The following NUDT9 variants were observed in gnomAD, a reference collection of about 807,000 sequenced individuals.
NUDT9 encodes nudix hydrolase 9, also known as ADP-ribose pyrophosphatase.
NUDT9 carries 31 observed loss-of-function variants against 41.0 expected under a neutral mutation model. The ratio of observed to expected loss-of-function variants is 0.76; its 90% confidence interval spans 0.57 to 1.02. The LOEUF is 1.02. NUDT9 is among the 50% of genes least tolerant of loss of function. The pLI, the probability that NUDT9 is intolerant of heterozygous loss-of-function variation, is 0.00. For missense variants in NUDT9, 380 were observed against 431.4 expected (o/e 0.88, Z 1.06); for synonymous variants, 146 against 147.6 (o/e 0.99, Z 0.08).
intron 1 of NUDT9, among the ~76,000 whole-genome samples, chr4:87,430,621 G>A (rs1245513230): frequency 6.6e-6 from 1 of 151,996 alleles, no homozygotes; most frequent in Non-Finnish European, 1.5e-5. Flanking sequence ...TTTGATAGTG[G>A]TCATTCTAAT....
rs531281804 is a variant in NUDT9, at chr4:87,437,516, ATT to A, written c.348-755_348-754del. 8.6e-3 allele frequency among the ~76,000 whole-genome samples: 1,295 copies of A among 150,778 alleles called. 41 individuals carry two copies. The highest frequency in any genetic ancestry group is 0.028 in the African/African-American group (1,131 of 40,678). ...CCACCATGCCCAGCTAATTTTTTGTATTTTTTTAGTAGAGATGGGGTTCCACC... is the reference window on the plus strand; with the variant it reads ...CCACCATGCCCAGCTAATTTTTTGTATTTTTAGTAGAGATGGGGTTCCACC... On this transcript the variant is annotated intron_variant, in intron 2 of 7. Transcript: ENST00000302174.
chr4:87,427,722 G>A (rs1160098595), intron 1 of NUDT9, among the ~76,000 whole-genome samples: 1 of 152,128 alleles, frequency 6.6e-6, no homozygotes, highest in Non-Finnish European at 1.5e-5. Flanking sequence ...GAGTGGAACA[G>A]CATTAGTGTT....
At chr4:87,428,693 G>A (rs1398930855) in intron 1 of NUDT9, among the ~76,000 whole-genome samples, 2 of 151,926 alleles carry the variant, frequency 1.3e-5, no homozygotes, top group Non-Finnish European at 2.9e-5. Flanking sequence ...AAGATCAGGA[G>A]TTGGATGAAT....
At chr4:87,426,542 T>C (rs1341839226) in intron 1 of NUDT9, among the ~76,000 whole-genome samples, 2 of 151,956 alleles carry the variant, frequency 1.3e-5, no homozygotes, top group African/African-American at 4.8e-5. Flanking sequence ...AGTGAGTAGC[T>C]AGGATTACAG....
In NUDT9 at chr4:87,458,772, A is replaced by G. The variant is rs1161520374; in HGVS notation, c.*751A>G. 6.6e-6 allele frequency: 1 copy of G among 152,246 alleles called. No individual in the cohort carries two copies. Among genetic ancestry groups the G allele is most frequent in the Non-Finnish European group, 1.5e-5 (1 of 68,052 alleles). The allele number at this position is 152,246 out of a possible 1,614,324, so 9.4% of individuals were successfully genotyped here. A position where few individuals can be genotyped will look rare whatever the true frequency, so the allele number is the denominator to read the frequency against. ...AAATTAGTTAAAAATGGATGTTCAG[A>G]AAAGAATTGAAATCAGGACAAAAAA... On this transcript the variant is annotated 3_prime_UTR_variant, in exon 8 of 8. Transcript: ENST00000302174.
rs1723084655 is a variant in NUDT9 at position 87,458,488 on chromosome 4, T to C, written c.*467T>C. 6.6e-6 allele frequency: 1 copy of C among 152,408 alleles called. No homozygotes were observed. The highest frequency in any genetic ancestry group is 6.5e-5 in the Admixed American group (1 of 15,290). The allele number at this position is 152,408 out of a possible 1,614,324, so 9.4% of individuals were successfully genotyped here. A position where few individuals can be genotyped will look rare whatever the true frequency, so the allele number is the denominator to read the frequency against. On this transcript the variant is annotated 3_prime_UTR_variant, in exon 8 of 8. Transcript: ENST00000302174. ...ATGTATAGTTTAATGTTTCATCTGA[T>C]TTTTCTTTAAATTATTTCCTTCACA... is the stretch of plus-strand genomic sequence containing the variant.
rs1428371027 is a variant in NUDT9 at position 87,451,599 on chromosome 4, A to G, written c.653A>G (p.Asp218Gly). 6.2e-7 allele frequency: 1 copy of G among 1,613,250 alleles called. No individual in the cohort carries two copies. Among genetic ancestry groups the G allele is most frequent in the African/African-American group, 1.3e-5 (1 of 74,890 alleles). Residue 218 changes from aspartate (D) to glycine (G), a missense_variant, in exon 6 of 8, where the codon GAT becomes GGT. Asp to Gly is a moderately conservative substitution (Grantham distance 94). Coordinates refer to ENST00000302174, the MANE Select transcript of NUDT9 (RefSeq NM_024047.5). ...GEWAIPGGMV[D>G]PGEKISATLK... Reference sequence around the variant, plus strand: ...TAATGTGACTCTTAGGGGATGGTGGATCCAGGAGAGAAGATTAGTGCCACA... The same window carrying G: ...TAATGTGACTCTTAGGGGATGGTGGGTCCAGGAGAGAAGATTAGTGCCACA...
chr4:87,424,200 G>A (rs1259408634), intron 1 of NUDT9, among the ~76,000 whole-genome samples: 4 of 149,764 alleles, frequency 2.7e-5, no homozygotes, highest in African/African-American at 9.9e-5. Flanking sequence ...CTGACTTCAA[G>A]CTTGAAACCT....
rs1721271034 is a variant in NUDT9, at chr4:87,423,825, G to A, written c.107+813G>A. On this transcript the variant is annotated intron_variant, in intron 1 of 7. Coordinates refer to ENST00000302174, the MANE Select transcript of NUDT9 (RefSeq NM_024047.5). ...GGGTCGCTAATTGACTTTTGGCTCT[G>A]TACCAGGTTGCCTAGATAGGAAGGT... Among the ~76,000 whole-genome samples, 3 of 152,152 alleles carry A rather than the reference G, an allele frequency of 2.0e-5. No homozygotes were observed. The South Asian group carries it at 6.2e-4, about 32-fold the overall frequency.
intron 5 of NUDT9, among the ~76,000 whole-genome samples, chr4:87,449,537 G>A (rs1167295427): frequency 6.6e-6 from 1 of 152,078 alleles, no homozygotes; most frequent in Non-Finnish European, 1.5e-5. Context: ...TTGCAGCTGG[G>A]TGATTGGGAG....
At chr4:87,452,842 C>T (rs1163864201) in intron 6 of NUDT9, among the ~76,000 whole-genome samples, 4 of 128,460 alleles carry the variant, frequency 3.1e-5, no homozygotes, top group East Asian at 2.5e-4. Context: ...GATGAAGTCT[C>T]GCTCTTGTCC....
At position 87,454,080 on chromosome 4, in the gene NUDT9, C is replaced by G. The variant is rs567245586; in HGVS notation, c.790-291C>G. 3.3e-3 allele frequency among the ~76,000 whole-genome samples: 505 copies of G among 151,966 alleles called. 2 individuals carry two copies. Among genetic ancestry groups the G allele is most frequent in the Non-Finnish European group, 5.5e-3 (372 of 67,980 alleles). On this transcript the variant is annotated intron_variant, in intron 6 of 7. Transcript: ENST00000302174. The stretch of plus-strand genomic sequence containing the variant: ...GTTTCACCTTGTTGGTCAGGCTGGT[C>G]TCGAACTCCTGACCTCAGGTGATCC...
At chr4:87,451,119 A>G (rs1214566867) in intron 5 of NUDT9, among the ~76,000 whole-genome samples, 1 of 152,236 alleles carries the variant, frequency 6.6e-6, no homozygotes, top group African/African-American at 2.4e-5. Context: ...TTAGGTAACT[A>G]TCTGAAGGAA....
chr4:87,438,410 C>T, intron 3 of NUDT9, 38 bp downstream of exon 3: 3 of 1,112,126 alleles, frequency 2.7e-6, no homozygotes, highest in Non-Finnish European at 1.4e-6. Flanking sequence ...AATAATGAGT[C>T]ACCAAAAAGT....
At chr4:87,449,328 T>A in intron 5 of NUDT9, 75 bp downstream of exon 5, 2 of 792,262 alleles carry the variant, frequency 2.5e-6, no homozygotes, top group Non-Finnish European at 4.4e-6. Flanking sequence ...TGTTTGTGAA[T>A]CTTTTCTATT....
intron 1 of NUDT9, among the ~76,000 whole-genome samples, chr4:87,433,990 G>A (rs1430747032): frequency 1.3e-5 from 2 of 152,010 alleles, no homozygotes; most frequent in African/African-American, 4.8e-5. Context: ...TTATGTGTAT[G>A]TTAGACTATA....
At chr4:87,432,182 T>G (rs1221666116) in intron 1 of NUDT9, among the ~76,000 whole-genome samples, 1 of 152,212 alleles carries the variant, frequency 6.6e-6, no homozygotes, top group East Asian at 1.9e-4. Context: ...GATTTCAGGT[T>G]TTGGAATATT....
chr4:87,450,131 C>G (rs1381435458), intron 5 of NUDT9, among the ~76,000 whole-genome samples: 1 of 152,056 alleles, frequency 6.6e-6, no homozygotes, highest in Non-Finnish European at 1.5e-5. Context: ...TCCCAAAGTG[C>G]TGGGATTACA....
At chr4:87,450,118 G>A (rs556294253) in intron 5 of NUDT9, among the ~76,000 whole-genome samples, 1 of 152,138 alleles carries the variant, frequency 6.6e-6, no homozygotes, top group South Asian at 2.1e-4. Context: ...CTGCCCCGGG[G>A]CCTCCCAAAG....
Sources: allele counts gnomAD v4.1 joint callset (sites outside exome capture counted in the v4.1 genomes callset), GRCh38; gene constraint gnomAD v4.1.1; transcripts MANE v1.5; gene names NCBI Gene and HGNC (gene_info 2026-07-23, HGNC 2026-07-21).